ADAMTS17: variants seen among roughly 807,000 people sequenced by gnomAD.
ADAMTS17 encodes the protein ADAM metallopeptidase with thrombospondin type 1 motif 17, also known as A disintegrin and metalloproteinase with thrombospondin motifs 17.
Under a neutral mutation model 141.5 loss-of-function variants are expected in ADAMTS17, and 113 were observed. That is an observed-to-expected ratio of 0.80 (90% CI 0.69 to 0.93). The LOEUF (loss-of-function observed/expected upper bound fraction) is 0.93, where lower values mean the gene tolerates loss of function less well. Ranked by LOEUF, ADAMTS17 falls within the 40% of genes least tolerant of loss-of-function variation. ADAMTS17 has a pLI of 0.00. For missense variants in ADAMTS17, 1,659 were observed against 1,517.9 expected (o/e 1.09, Z -1.54); for synonymous variants, 768 against 630.6 (o/e 1.22, Z -3.27).
Position 100,050,353 on chromosome 15 carries a change from G to A in ADAMTS17, c.2455+1219C>T, listed in dbSNP as rs1400015939. On this transcript the variant is annotated intron_variant, in intron 17 of 21. Transcript: ENST00000268070. ...GAGGAAAACCTGGCTGGAATCAGAGGTAGATGTGTCAGCTGGATTTGGAGG... is the reference window on the plus strand; with the variant it reads ...GAGGAAAACCTGGCTGGAATCAGAGATAGATGTGTCAGCTGGATTTGGAGG... Among the ~76,000 whole-genome samples the A allele has an allele frequency of 3.3e-5, 5 of 152,314 alleles. No homozygotes were observed. In the East Asian group the frequency reaches 9.7e-4, roughly 29 times the overall value.
intron 7 of ADAMTS17, among the ~76,000 whole-genome samples, chr15:100,205,016 C>T (rs527670463): frequency 1.2e-4 from 19 of 152,262 alleles, no homozygotes; most frequent in Middle Eastern, 3.4e-3. Flanking sequence ...TGAGCTGTTG[C>T]TTCATGATGG....
Position 100,096,452 on chromosome 15 carries a change from C to T in ADAMTS17, c.2041G>A (p.Gly681Arg), listed in dbSNP as rs770547005. The T allele has an allele frequency of 6.2e-6, 10 of 1,613,978 alleles. No individual in the cohort carries two copies. Among genetic ancestry groups the T allele is most frequent in the African/African-American group, 2.7e-5 (2 of 74,896 alleles). ...CQKIGCDGII[G>R]SAAKEDRCGV... ...CATCTGTCCTCTTTGGCTGCAGACC[C>T]GATGATGCCGTCACAGCCGATTTTC... Residue 681 changes from glycine to arginine, a missense_variant, in exon 15 of 22, where the codon GGG becomes AGG. Transcript: ENST00000268070.
intron 18 of ADAMTS17, among the ~76,000 whole-genome samples, chr15:100,016,421 TG>T (rs2061290205): frequency 1.3e-5 from 2 of 152,354 alleles, no homozygotes; most frequent in South Asian, 4.1e-4. Context: ...GTGAGTTTTT[TG>T]GGGGTACTAA....
intron 7 of ADAMTS17, among the ~76,000 whole-genome samples, chr15:100,208,909 G>C (rs974169818): frequency 6.6e-6 from 1 of 152,054 alleles, no homozygotes; most frequent in Non-Finnish European, 1.5e-5. Flanking sequence ...TGCAACACCA[G>C]GCTTTACCTG....
chr15:100,032,041 T>A (rs73482755), intron 18 of ADAMTS17, among the ~76,000 whole-genome samples: 1 of 152,126 alleles, frequency 6.6e-6, no homozygotes, highest in Non-Finnish European at 1.5e-5. Flanking sequence ...GGTAGATGCA[T>A]TACTTACCCA....
intron 4 of ADAMTS17, among the ~76,000 whole-genome samples, chr15:100,267,899 T>C (rs2043774752): frequency 6.6e-6 from 1 of 152,244 alleles, no homozygotes. Context: ...CACTTTTAGT[T>C]ATTTTAAAAT....
intron 7 of ADAMTS17, among the ~76,000 whole-genome samples, chr15:100,213,226 G>C (rs75138418): frequency 0.02 from 3,030 of 152,284 alleles, 57 homozygotes; most frequent in East Asian, 0.043. Context: ...CATGGAGATG[G>C]ACTTGGCACA....
At chr15:99,996,115 C>T (rs1002379632) in intron 19 of ADAMTS17, among the ~76,000 whole-genome samples, 5 of 150,016 alleles carry the variant, frequency 3.3e-5, no homozygotes, top group African/African-American at 9.8e-5. Flanking sequence ...AGTGCAATGG[C>T]GCAATCTCGG....
chr15:100,313,011 A>C (rs2045451895), intron 3 of ADAMTS17, among the ~76,000 whole-genome samples: 1 of 152,228 alleles, frequency 6.6e-6, no homozygotes, highest in Non-Finnish European at 1.5e-5. Flanking sequence ...TTTTCACGGA[A>C]GAAAGGGAGA....
intron 2 of ADAMTS17, among the ~76,000 whole-genome samples, chr15:100,331,389 C>A (rs1015261146): frequency 1.3e-5 from 2 of 152,104 alleles, no homozygotes; most frequent in African/African-American, 2.4e-5. Context: ...ATCATCCCCC[C>A]AAAAGTCCAC....
Position 100,210,988 on chromosome 15 carries a change from C to A in ADAMTS17, c.1076-11565G>T, listed in dbSNP as rs149081050. Among the ~76,000 whole-genome samples the A allele has an allele frequency of 2.7e-3, 416 of 152,136 alleles. 4 individuals carry two copies. The highest frequency in any genetic ancestry group is 9.6e-3 in the African/African-American group (399 of 41,502). ...TGGTGGCAGGCACCTGTAGTCCCAGCTACTCGGGGGCTGAGGCAGGAGAAT... is the reference window on the plus strand; with the variant it reads ...TGGTGGCAGGCACCTGTAGTCCCAGATACTCGGGGGCTGAGGCAGGAGAAT... On this transcript the variant is annotated intron_variant, in intron 7 of 21. Transcript: ENST00000268070.
intron 8 of ADAMTS17, among the ~76,000 whole-genome samples, chr15:100,185,655 C>G (rs1489326651): frequency 1.3e-5 from 2 of 152,226 alleles, no homozygotes; most frequent in African/African-American, 2.4e-5. Flanking sequence ...CTGTAACTTG[C>G]AGCACACCAG....
At chr15:100,000,966 T>C (rs2060909098) in intron 18 of ADAMTS17, among the ~76,000 whole-genome samples, 1 of 152,216 alleles carries the variant, frequency 6.6e-6, no homozygotes, top group African/African-American at 2.4e-5. Flanking sequence ...AACAGACTGG[T>C]TTCTAGAATC....
intron 7 of ADAMTS17, among the ~76,000 whole-genome samples, chr15:100,206,145 A>C (rs1409237836): frequency 6.6e-6 from 1 of 152,142 alleles, no homozygotes; most frequent in East Asian, 1.9e-4. Flanking sequence ...GCAGGTGATG[A>C]GTGCCTTGGA....
chr15:100,149,081 G>T (rs950672661), intron 10 of ADAMTS17, among the ~76,000 whole-genome samples: 1 of 152,208 alleles, frequency 6.6e-6, no homozygotes, highest in African/African-American at 2.4e-5. Flanking sequence ...AGAATTGAGG[G>T]ATAACAGCAT....
intron 4 of ADAMTS17, among the ~76,000 whole-genome samples, chr15:100,271,436 A>C (rs533812815): frequency 6.8e-4 from 103 of 152,270 alleles, no homozygotes; most frequent in Middle Eastern, 3.4e-3. Context: ...AGCCATGGGA[A>C]TGGATGTGAA....
intron 12 of ADAMTS17, among the ~76,000 whole-genome samples, chr15:100,127,351 T>G (rs1231240836): frequency 3.9e-5 from 6 of 151,916 alleles, no homozygotes; most frequent in African/African-American, 1.5e-4. Flanking sequence ...AGAGACCACG[T>G]GAAGTCAGAG....
At chr15:100,263,005 A>G (rs1456728386) in intron 4 of ADAMTS17, among the ~76,000 whole-genome samples, 3 of 152,220 alleles carry the variant, frequency 2.0e-5, no homozygotes, top group African/African-American at 7.2e-5. Context: ...CACGTGTGCA[A>G]ACATACATAT....
chr15:100,311,327 G>A (rs1219785199), intron 3 of ADAMTS17, among the ~76,000 whole-genome samples: 4 of 152,184 alleles, frequency 2.6e-5, no homozygotes, highest in African/African-American at 2.4e-5. Context: ...CCAGCACCGA[G>A]GCCATGCGCT....
Sources: allele counts gnomAD v4.1 joint callset (sites outside exome capture counted in the v4.1 genomes callset), GRCh38; gene constraint gnomAD v4.1.1; transcripts MANE v1.5; gene names NCBI Gene and HGNC (gene_info 2026-07-23, HGNC 2026-07-21).